ABCB7: variants seen among roughly 807,000 people sequenced by gnomAD.
ABCB7 encodes ATP binding cassette subfamily B member 7.
In ABCB7, 7 loss-of-function variants were observed where a neutral mutation model predicts 54.4. The observed-to-expected ratio is 0.13, with a 90% CI of 0.07 to 0.24. The LOEUF (loss-of-function observed/expected upper bound fraction) is 0.24, where lower values mean the gene tolerates loss of function less well. ABCB7 is among the 10% of genes least tolerant of loss of function. The probability of loss-of-function intolerance (pLI) is 1.00; values close to 1 mark genes in which losing one functional copy is unlikely to be tolerated. For synonymous variants in ABCB7, 218 were observed against 207.1 expected (o/e 1.05, Z -0.45); for missense variants, 356 against 570.4 (o/e 0.62, Z 3.83).
At position 75,119,236 on chromosome X, in the gene ABCB7, A is replaced by G. The variant is rs182588603; in HGVS notation, c.169-4405T>C. On this transcript the variant is annotated intron_variant, in intron 1 of 15. Coordinates refer to ENST00000373394, the MANE Select transcript of ABCB7 (RefSeq NM_001271696.3). ...AATGAGTTTTTGGTAAAAGATTACA[A>G]GAAGGCATGGAAATAAGGATTTTTC... 3.0e-3 allele frequency among the ~76,000 whole-genome samples: 335 copies of G among 112,482 alleles called. 1 individual carries two copies. Among genetic ancestry groups the G allele is most frequent in the Non-Finnish European group, 5.2e-3 (278 of 53,267 alleles).
intron 1 of ABCB7, among the ~76,000 whole-genome samples, chrX:75,133,439 G>A (rs184680452): frequency 2.7e-3 from 303 of 111,843 alleles, no homozygotes; most frequent in Non-Finnish European, 4.0e-3. Context: ...CCAACCTCAC[G>A]AGAGGCTGAC....
chrX:75,081,246 A>G (rs1393921212), intron 4 of ABCB7, among the ~76,000 whole-genome samples: 1 of 112,406 alleles, frequency 8.9e-6, no homozygotes, highest in Non-Finnish European at 1.9e-5. Context: ...GGATGACACA[A>G]ACATTACACC....
chrX:75,149,869 A>AT (rs759199515), intron 1 of ABCB7, among the ~76,000 whole-genome samples: 80 of 111,556 alleles, frequency 7.2e-4, no homozygotes, highest in African/African-American at 2.3e-3. Flanking sequence ...AGGGTGTGGC[A>AT]TAAAAAAAAG....
At chrX:75,079,404 G>T (rs1475955584) in intron 4 of ABCB7, among the ~76,000 whole-genome samples, 1 of 111,777 alleles carries the variant, frequency 8.9e-6, no homozygotes, top group Admixed American at 9.5e-5. Context: ...GATATTTTGG[G>T]GATGGGACTA....
chrX:75,135,210 C>A (rs188217708), intron 1 of ABCB7, among the ~76,000 whole-genome samples: 25 of 108,181 alleles, frequency 2.3e-4, no homozygotes, highest in African/African-American at 7.4e-4. Context: ...TCTATGCACA[C>A]GAACTAGAAA....
intron 13 of ABCB7, among the ~76,000 whole-genome samples, chrX:75,063,393 T>C (rs1211674640): frequency 9.0e-6 from 1 of 111,289 alleles, no homozygotes; most frequent in African/African-American, 3.3e-5. Context: ...TTTCAGCTTA[T>C]TAGGAAATAA....
chrX:75,133,027 C>T (rs2081986088), intron 1 of ABCB7, among the ~76,000 whole-genome samples: 2 of 111,807 alleles, frequency 1.8e-5, no homozygotes, highest in Non-Finnish European at 3.8e-5. Flanking sequence ...ATTGGGACCA[C>T]GATGAAGATC....
At chrX:75,109,835 A>C (rs752839350) in intron 3 of ABCB7, among the ~76,000 whole-genome samples, 2 of 112,011 alleles carry the variant, frequency 1.8e-5, no homozygotes, top group Non-Finnish European at 3.8e-5. Context: ...TCAACCCAAC[A>C]ACTGCAATAA....
intron 1 of ABCB7, among the ~76,000 whole-genome samples, chrX:75,150,786 GACA>G (rs1172825433): frequency 9.0e-6 from 1 of 111,535 alleles, no homozygotes; most frequent in Non-Finnish European, 1.9e-5. Context: ...AGATAACACT[GACA>G]ACAATACAGC....
intron 1 of ABCB7, among the ~76,000 whole-genome samples, chrX:75,148,462 C>T (rs915575370): frequency 1.2e-4 from 13 of 108,969 alleles, no homozygotes; most frequent in Non-Finnish European, 2.5e-4. Flanking sequence ...TACATACACA[C>T]ACATACAAAC....
chrX:75,152,320 C>T (rs1387434360), intron 1 of ABCB7, among the ~76,000 whole-genome samples: 1 of 111,121 alleles, frequency 9.0e-6, no homozygotes, highest in Non-Finnish European at 1.9e-5. Flanking sequence ...GGATTAGTTC[C>T]CTTATAAGAG....
At chrX:75,115,266 CAAAA>C (rs1160024642) in intron 1 of ABCB7, among the ~76,000 whole-genome samples, 1 of 13,250 alleles carries the variant, frequency 7.5e-5, no homozygotes, top group African/African-American at 3.2e-4. Context: ...GACTCTGTCT[CAAAA>C]AAAAAAAAAA....
At chrX:75,088,821 C>T (rs1342228590) in intron 4 of ABCB7, among the ~76,000 whole-genome samples, 4 of 99,504 alleles carry the variant, frequency 4.0e-5, no homozygotes, top group Admixed American at 1.1e-4. Context: ...GAGGACACCA[C>T]GTAGAAAAAA....
chrX:75,113,933 G>C (rs1326224142), intron 2 of ABCB7, among the ~76,000 whole-genome samples: 1 of 111,887 alleles, frequency 8.9e-6, no homozygotes, highest in Admixed American at 9.5e-5. Context: ...ATGTCTCTTT[G>C]TGCCATTTTT....
At chrX:75,074,971 AC>A (rs1231893871) in intron 6 of ABCB7, among the ~76,000 whole-genome samples, 2 of 110,951 alleles carry the variant, frequency 1.8e-5, no homozygotes, top group African/African-American at 6.6e-5. Flanking sequence ...TTGCACAGGT[AC>A]CCCCTGAAGC....
chrX:75,103,375 T>C (rs1221269740), intron 3 of ABCB7, among the ~76,000 whole-genome samples: 3 of 111,376 alleles, frequency 2.7e-5, no homozygotes, highest in Non-Finnish European at 5.7e-5. Context: ...AAGGAGAGTG[T>C]CCTTTTCCCA....
intron 1 of ABCB7, among the ~76,000 whole-genome samples, chrX:75,116,252 C>T (rs188965330): frequency 9.0e-6 from 1 of 111,261 alleles, no homozygotes; most frequent in East Asian, 2.8e-4. Context: ...AAGCTGAATT[C>T]AACTCTTCAG....
intron 4 of ABCB7, among the ~76,000 whole-genome samples, chrX:75,081,537 T>G (rs2081455651): frequency 1.8e-5 from 2 of 112,259 alleles, no homozygotes; most frequent in African/African-American, 6.5e-5. Context: ...AAATGTTTAA[T>G]CATTCACATT....
chrX:75,071,503 C>A lies in ABCB7; in HGVS notation c.1207+6G>T. On this transcript the variant is annotated splice_donor_region_variant and intron_variant, in intron 9 of 15. Coordinates refer to ENST00000373394, the MANE Select transcript of ABCB7 (RefSeq NM_001271696.3). ...CCTGTAAATGTGATAGCCACAGACTCATTACCTGCCACAATTCCCTGACTG... is the reference window on the plus strand; with the variant it reads ...CCTGTAAATGTGATAGCCACAGACTAATTACCTGCCACAATTCCCTGACTG... The A allele has an allele frequency of 6.6e-6, 8 of 1,210,556 alleles. No individual in the cohort carries two copies. Among genetic ancestry groups the A allele is most frequent in the Non-Finnish European group, 8.9e-6 (8 of 894,744 alleles).
Sources: gnomAD v4.1 joint callset for allele counts (sites outside exome capture counted in the v4.1 genomes callset) on GRCh38, gnomAD v4.1.1 for gene constraint, MANE v1.5 for transcripts, NCBI Gene and HGNC (gene_info 2026-07-23, HGNC 2026-07-21) for gene names.